Variants in GOLGA6L2 observed in about 807,000 individuals in gnomAD.
GOLGA6L2 encodes golgin subfamily A member 6-like protein 2.
A neutral mutation model predicts 35.9 loss-of-function variants in GOLGA6L2; 30 were observed. The observed-to-expected ratio is 0.83, with a 90% CI of 0.62 to 1.13. The LOEUF is 1.13. Ranked by LOEUF, GOLGA6L2 falls within the 50% of genes most tolerant of loss-of-function variation. GOLGA6L2 has a pLI of 0.00. For synonymous variants in GOLGA6L2, 297 were observed against 344.0 expected, an observed-to-expected ratio of 0.86 and a Z score of 1.51; for missense variants, 821 against 973.4, an observed-to-expected ratio of 0.84 and a Z score of 2.08.
chr15:23,441,296 C>T lies in GOLGA6L2; in HGVS notation c.1179G>A (p.Arg393=). 1 of 1,538,824 alleles carries T rather than the reference C, an allele frequency of 6.5e-7. No individual in the cohort carries two copies. Among genetic ancestry groups the T allele is most frequent in the Non-Finnish European group, 8.7e-7 (1 of 1,146,544 alleles). Residue 393 remains arginine, a synonymous_variant, in exon 8 of 8, where the codon CGG becomes CGA. Transcript: ENST00000567107. ...KQMREQEQKM[R]DQEERMWEQD... ...GCTCCCACATCCTCTCCTCTTGGTC[C>T]CGCATCTTCTGCTCCTGCTCCCGCA...
intron 1 of GOLGA6L2, among the ~76,000 whole-genome samples, chr15:23,446,550 G>A (rs893027322): frequency 2.0e-5 from 3 of 152,236 alleles, no homozygotes; most frequent in Non-Finnish European, 4.4e-5. Context: ...CTCCTCTGTG[G>A]GGTGGTGGAG....
chr15:23,444,647 C>T (rs1394809356), intron 2 of GOLGA6L2, 147 bp from the exon 3 acceptor site: 1 of 705,312 alleles, frequency 1.4e-6, no homozygotes, highest in South Asian at 1.7e-5. Context: ...AAACTCTCAA[C>T]TCCCAAAGAA....
chr15:23,447,107 G>T lies in GOLGA6L2; in HGVS notation c.75C>A (p.Ala25=), dbSNP rs573499548. ...ACCCAGTGAGTTTTACCTTTTTCTT[G>T]GCCTCAGCCAATTTGTTCTGTCTGG... The part of the protein sequence containing the change: ...EKTRQNKLAE[A]KKKFTDYRQW... The change falls in exon 1 of 8, where the codon GCC becomes GCA. Residue 25 remains alanine (A), a synonymous_variant. Transcript: ENST00000567107. 2 of 1,570,488 alleles carry T rather than the reference G, an allele frequency of 1.3e-6. No individual in the cohort carries two copies. The highest frequency in any genetic ancestry group is 1.7e-6 in the Non-Finnish European group (2 of 1,156,630).
At chr15:23,442,401 C>T (rs746608201) in intron 6 of GOLGA6L2, 49 bp downstream of exon 6, 15 of 1,551,444 alleles carry the variant, frequency 9.7e-6, no homozygotes, top group African/African-American at 5.4e-5. Flanking sequence ...CAGCACACCA[C>T]CCACGCTAAG....
Position 23,447,102 on chromosome 15 carries a change from T to C in GOLGA6L2, c.80A>G (p.Lys27Arg). 6.4e-7 allele frequency: 1 copy of C among 1,563,866 alleles called. No homozygotes were observed. The highest frequency in any genetic ancestry group is 1.1e-5 in the South Asian group (1 of 87,196). Residue 27 changes from lysine (K) to arginine (R), a missense_variant, in exon 1 of 8, where the codon AAA (lysine) becomes AGA (arginine). By Grantham distance (26) the Lys-to-Arg change is conservative (BLOSUM62 2). This residue lies in a region of GOLGA6L2 where 48 missense variants were observed against 31.7 expected (regional missense o/e 1.51). Coordinates refer to ENST00000567107, the MANE Select transcript of GOLGA6L2 (RefSeq NM_001304388.2). The part of the protein sequence containing the change: ...TRQNKLAEAK[K>R]KFTDYRQWNI... ...CCGCAACCCAGTGAGTTTTACCTTT[T>C]TCTTGGCCTCAGCCAATTTGTTCTG...
At chr15:23,443,682 G>C (rs1233574971) in intron 5 of GOLGA6L2, 95 bp downstream of exon 5, 2 of 995,472 alleles carry the variant, frequency 2.0e-6, no homozygotes, top group Admixed American at 2.0e-5. Context: ...CTATCTTCTG[G>C]GCAGGACACT....
Position 23,439,626 on chromosome 15 carries a change from G to T in GOLGA6L2, c.*119C>A, listed in dbSNP as rs1449622950. On this transcript the variant is annotated 3_prime_UTR_variant, in exon 8 of 8. Coordinates refer to ENST00000567107, the MANE Select transcript of GOLGA6L2 (RefSeq NM_001304388.2). ...GAGGTACTGCCTAATCCTGGGCACT[G>T]CTGGGCGTTCTTCATCCCACAAAAC... 3 of 1,536,152 alleles carry T rather than the reference G, an allele frequency of 2.0e-6. No individual in the cohort carries two copies. The Admixed American group carries it at 5.9e-5, about 30-fold the overall frequency.
At chr15:23,444,674 T>C (rs1886739705) in intron 2 of GOLGA6L2, among the ~76,000 whole-genome samples, 174 bp from the exon 3 acceptor site, 1 of 152,150 alleles carries the variant, frequency 6.6e-6, no homozygotes, top group Non-Finnish European at 1.5e-5. Flanking sequence ...TGGGTCTTTG[T>C]TGGTTTTTGC....
chr15:23,443,092 G>C (rs767465127), intron 5 of GOLGA6L2, among the ~76,000 whole-genome samples: 2 of 152,122 alleles, frequency 1.3e-5, no homozygotes, highest in Non-Finnish European at 2.9e-5. Context: ...GCAAAACATG[G>C]GGTATTAAAA....
chr15:23,447,215 C>T lies in GOLGA6L2; in HGVS notation c.-34G>A. ...TTCAGACGAGGACAAGGATACACCT[C>T]CAGTCACGTACCACGCAGCTATGTG... On this transcript the variant is annotated 5_prime_UTR_variant, in exon 1 of 8. Coordinates refer to ENST00000567107, the MANE Select transcript of GOLGA6L2 (RefSeq NM_001304388.2). 1 of 1,199,258 alleles carries T rather than the reference C, an allele frequency of 8.3e-7. No homozygotes were observed. The highest frequency in any genetic ancestry group is 1.2e-6 in the Non-Finnish European group (1 of 805,002). The allele number at this position is 1,199,258 out of a possible 1,614,324, so 74.3% of individuals were successfully genotyped here. A position where few individuals can be genotyped will look rare whatever the true frequency, so the allele number is the denominator to read the frequency against.
chr15:23,444,370 C>A, intron 3 of GOLGA6L2, 101 bp downstream of exon 3: 3 of 1,480,718 alleles, frequency 2.0e-6, no homozygotes, highest in East Asian at 4.6e-5. Flanking sequence ...TGGCGGTGAG[C>A]CTTCTTCCCC....
Position 23,439,648 on chromosome 15 carries a change from A to G in GOLGA6L2, c.*97T>C, listed in dbSNP as rs1168997126. On this transcript the variant is annotated 3_prime_UTR_variant, in exon 8 of 8. Coordinates refer to ENST00000567107, the MANE Select transcript of GOLGA6L2 (RefSeq NM_001304388.2). Reference sequence around the variant, plus strand: ...ACTGCTGGGCGTTCTTCATCCCACAAAACAGCTGCATGATCTCCTGTGCAG... The same window carrying G: ...ACTGCTGGGCGTTCTTCATCCCACAGAACAGCTGCATGATCTCCTGTGCAG... 1.3e-5 allele frequency: 20 copies of G among 1,536,408 alleles called. No individual in the cohort carries two copies. The highest frequency in any genetic ancestry group is 9.6e-5 in the African/African-American group (7 of 72,886).
Position 23,444,516 on chromosome 15 carries a change from A to G in GOLGA6L2, c.214-16T>C. 4.4e-6 allele frequency: 7 copies of G among 1,599,014 alleles called. No homozygotes were observed. The highest frequency in any genetic ancestry group is 5.9e-6 in the Non-Finnish European group (7 of 1,179,488). On this transcript the variant is annotated splice_polypyrimidine_tract_variant and intron_variant, in intron 2 of 7. Transcript: ENST00000567107. ...TCTGTTGTGTCTGTGGGGAGAGTCAAAGGAAGGTGACTGAGGGTGGCCCCC... is the reference window on the plus strand; with the variant it reads ...TCTGTTGTGTCTGTGGGGAGAGTCAGAGGAAGGTGACTGAGGGTGGCCCCC...
chr15:23,441,506 C>T lies in GOLGA6L2; in HGVS notation c.969G>A (p.Leu323=), dbSNP rs774109128. 1.9e-5 allele frequency: 27 copies of T among 1,402,088 alleles called. No homozygotes were observed. In the Admixed American group the frequency reaches 4.2e-4, roughly 22 times the overall value. The allele number at this position is 1,402,088 out of a possible 1,614,324, so 86.9% of individuals were successfully genotyped here. A position where few individuals can be genotyped will look rare whatever the true frequency, so the allele number is the denominator to read the frequency against. ...CCCGCAGCTCCTTCTCCTGCTCTCG[C>T]AGCCTCTTCTCCTGTCTCCGCATCT... ...EEKMRRQEKR[L]REQEKELREQ... Residue 323 remains leucine (L), a synonymous_variant, in exon 8 of 8, where the codon CTG becomes CTA. Transcript: ENST00000567107.
At position 23,442,123 on chromosome 15, in the gene GOLGA6L2, A is replaced by G; in HGVS notation, c.651-3T>C. ...TCTTCAGCTCCTCATTGGTTATGCT[A>G]TGGCCCGAGGCAGTAGAGAAAGGAA... is the stretch of plus-strand genomic sequence containing the variant. On this transcript the variant is annotated splice_polypyrimidine_tract_variant and splice_region_variant and intron_variant, in intron 6 of 7. Transcript: ENST00000567107. 1 of 1,568,126 alleles carries G rather than the reference A, an allele frequency of 6.4e-7. No homozygotes were observed.
At chr15:23,443,296 T>C (rs1205127125) in intron 5 of GOLGA6L2, among the ~76,000 whole-genome samples, 1 of 152,126 alleles carries the variant, frequency 6.6e-6, no homozygotes, top group Non-Finnish European at 1.5e-5. Context: ...GGGAAATATC[T>C]ACCCCACACA....
rs1256890624 is a variant in GOLGA6L2 at position 23,439,794 on chromosome 15, C to G, written c.2681G>C (p.Arg894Pro). The G allele has an allele frequency of 1.3e-6, 2 of 1,535,276 alleles. No homozygotes were observed. Among genetic ancestry groups the G allele is most frequent in the Admixed American group, 3.9e-5 (2 of 50,748 alleles). Reference sequence around the variant, plus strand: ...AGGCAGGGCTCTGAGCACCGCTCCTCGTGCTCTGGCAGCCTCTCCTGCATC... The same window carrying G: ...AGGCAGGGCTCTGAGCACCGCTCCTGGTGCTCTGGCAGCCTCTCCTGCATC... ...REDAGEAARA[R>P]GAVLRALPPS... is the part of the protein sequence containing the mutation. The change falls in exon 8 of 8, where the codon CGA becomes CCA. Residue 894 changes from arginine (R) to proline (P), a missense_variant. Physicochemically the swap from Arg to Pro is moderately radical, Grantham distance 103. Around this residue, in one of 7 missense-constraint regions of GOLGA6L2, gnomAD observed 48 missense variants for 42.7 expected, o/e 1.12. Transcript: ENST00000567107.
In GOLGA6L2 at chr15:23,440,724, C is replaced by G; in HGVS notation, c.1751G>C (p.Arg584Pro). The change falls in exon 8 of 8, where the codon CGA becomes CCA. Residue 584 changes from arginine to proline, a missense_variant. Transcript: ENST00000567107. ...CTCTCCTCCTTCTCCCGCAGCCTCT[C>G]GTCCTGCTCCCACATCCTCTCCTCC... ...GPGGEDVGAGREAAGEGGENA... is the reference protein window; with the variant it reads ...GPGGEDVGAGPEAAGEGGENA... 2 of 1,510,496 alleles carry G rather than the reference C, an allele frequency of 1.3e-6. No homozygotes were observed. The highest frequency in any genetic ancestry group is 1.8e-6 in the Non-Finnish European group (2 of 1,124,680). The allele number at this position is 1,510,496 out of a possible 1,614,324, so 93.6% of individuals were successfully genotyped here.
In GOLGA6L2 at chr15:23,443,916, G is replaced by A; in HGVS notation, c.452C>T (p.Pro151Leu). Residue 151 changes from proline to leucine, a missense_variant, in exon 5 of 8, where the codon CCT becomes CTT. Transcript: ENST00000567107. Reference sequence around the variant, plus strand: ...GAGAGAGGTTGAGACACAGCCCAAAGGACTCCCCCTAAAGGCCTGTGAAAG... The same window carrying A: ...GAGAGAGGTTGAGACACAGCCCAAAAGACTCCCCCTAAAGGCCTGTGAAAG... The part of the protein sequence containing the change: ...LALSQAFRGS[P>L]LGCVSTSLIP... The A allele has an allele frequency of 6.5e-7, 1 of 1,549,116 alleles. No individual in the cohort carries two copies. The highest frequency in any genetic ancestry group is 8.7e-7 in the Non-Finnish European group (1 of 1,153,820).
Sources: gnomAD v4.1 joint callset for allele counts (sites outside exome capture counted in the v4.1 genomes callset) on GRCh38, gnomAD v4.1.1 for gene constraint, gnomAD v4.1.1 regional missense constraint, MANE v1.5 for transcripts, NCBI Gene and HGNC (gene_info 2026-07-23, HGNC 2026-07-21) for gene names.